TNFSF10: variants seen among roughly 807,000 people sequenced by gnomAD.
TNFSF10 encodes tumor necrosis factor ligand superfamily member 10.
Under a neutral mutation model 29.5 loss-of-function variants are expected in TNFSF10, and 13 were observed. The ratio of observed to expected loss-of-function variants is 0.44; its 90% CI spans 0.29 to 0.70. The LOEUF (loss-of-function observed/expected upper bound fraction) is 0.70, where lower values mean the gene tolerates loss of function less well. TNFSF10 is among the 30% of genes least tolerant of loss of function. The pLI, the probability that TNFSF10 is intolerant of heterozygous loss-of-function variation, is 0.13. For synonymous variants in TNFSF10, 111 were observed against 112.8 expected, an observed-to-expected ratio of 0.98 and a Z score of 0.10; for missense variants, 345 against 330.9, an observed-to-expected ratio of 1.04 and a Z score of -0.33.
At chr3:172,518,328 G>A in intron 1 of TNFSF10, 3 of 1,243,574 alleles carry the variant, frequency 2.4e-6, no homozygotes, top group Non-Finnish European at 2.1e-6. Context: ...AAACACGGTG[G>A]TTGTCTAGGC....
At chr3:172,509,174 T>C (rs1577010072) in intron 4 of TNFSF10, 43 bp downstream of exon 4, 1 of 1,510,736 alleles carries the variant, frequency 6.6e-7, no homozygotes, top group East Asian at 2.3e-5. Context: ...GCACAATCCT[T>C]CCATTATTTT....
chr3:172,511,966 G>A (rs1191388437), intron 2 of TNFSF10, among the ~76,000 whole-genome samples: 6 of 152,250 alleles, frequency 3.9e-5, no homozygotes, highest in Admixed American at 6.5e-5. Context: ...TCCGCCATGT[G>A]ATGTCAGCCA....
chr3:172,511,714 A>G, intron 2 of TNFSF10, 55 bp from the exon 3 acceptor site: 2 of 1,471,638 alleles, frequency 1.4e-6, no homozygotes, highest in Non-Finnish European at 1.9e-6. Context: ...TAAACTGACT[A>G]TAGAATGCCT....
chr3:172,517,554 A>T (rs1364584475), intron 1 of TNFSF10: 1 of 984,978 alleles, frequency 1.0e-6, no homozygotes. Context: ...TAAATCACAA[A>T]AACAAAACAA....
At chr3:172,512,359 A>G (rs144069972) in intron 2 of TNFSF10, among the ~76,000 whole-genome samples, 4 of 152,320 alleles carry the variant, frequency 2.6e-5, no homozygotes, top group Non-Finnish European at 4.4e-5. Flanking sequence ...AAACCTCTCT[A>G]TTAAATGGGA....
At chr3:172,517,732 T>C (rs1365589809) in intron 1 of TNFSF10, 43 of 984,644 alleles carry the variant, frequency 4.4e-5, no homozygotes, top group Non-Finnish European at 5.1e-5. Context: ...ATGAAAATTA[T>C]ACATGGATAG....
intron 1 of TNFSF10, chr3:172,517,299 G>C (rs1455856568): frequency 5.1e-6 from 5 of 982,182 alleles, no homozygotes; most frequent in Non-Finnish European, 6.0e-6. Flanking sequence ...TTGCTGGCTA[G>C]AGCCTGTGAT....
chr3:172,508,874 C>T (rs1469669233), intron 4 of TNFSF10, among the ~76,000 whole-genome samples: 12 of 127,312 alleles, frequency 9.4e-5, no homozygotes, highest in African/African-American at 2.5e-4. Context: ...GGGCAACAAA[C>T]GTGAAACTCT....
intron 3 of TNFSF10, 139 bp downstream of exon 3, chr3:172,511,478 C>A: frequency 1.6e-6 from 1 of 611,248 alleles, no homozygotes; most frequent in South Asian, 2.5e-5. Context: ...GTAGAATCAA[C>A]AAGTGGCTTG....
chr3:172,518,151 T>C (rs554292684), intron 1 of TNFSF10: 2 of 1,079,272 alleles, frequency 1.9e-6, no homozygotes, highest in East Asian at 1.6e-4. Flanking sequence ...CTATATTCTC[T>C]AACTAACCAC....
chr3:172,508,118 T>G (rs1713065311), intron 4 of TNFSF10, among the ~76,000 whole-genome samples: 1 of 151,298 alleles, frequency 6.6e-6, no homozygotes, highest in South Asian at 2.1e-4. Context: ...CGGGGGGGTG[T>G]GGATCAGCTG....
intron 2 of TNFSF10, among the ~76,000 whole-genome samples, chr3:172,513,522 G>A (rs1713308507): frequency 6.6e-6 from 1 of 152,188 alleles, no homozygotes; most frequent in Admixed American, 6.5e-5. Context: ...ATGTTTCTAG[G>A]ACTCCTAGAA....
Position 172,522,056 on chromosome 3 carries a change from A to G in TNFSF10, c.132+1197T>C, listed in dbSNP as rs902503500. ...TGGGGCCTGTCGGGGGTGGGAGGCT[A>G]GGGGAGGGAGAGCATTAGAACAAAT... On this transcript the variant is annotated intron_variant, in intron 1 of 4. Coordinates refer to ENST00000241261, the MANE Select transcript of TNFSF10 (RefSeq NM_003810.4). Among the ~76,000 whole-genome samples, 3 of 121,850 alleles carry G rather than the reference A, an allele frequency of 2.5e-5. No individual in the cohort carries two copies. The South Asian group carries it at 9.2e-4, about 37-fold the overall frequency. The allele number at this position is 121,850 out of a possible 152,430, so 79.9% of individuals were successfully genotyped here.
chr3:172,509,846 G>C (rs1713151357), intron 3 of TNFSF10, among the ~76,000 whole-genome samples: 1 of 152,118 alleles, frequency 6.6e-6, no homozygotes, highest in African/African-American at 2.4e-5. Flanking sequence ...GGGCATGGTG[G>C]CAGGCACCTA....
chr3:172,516,975 T>C (rs1461865982), intron 1 of TNFSF10, among the ~76,000 whole-genome samples: 1 of 152,260 alleles, frequency 6.6e-6, no homozygotes, highest in African/African-American at 2.4e-5. Context: ...GAGTTGGCTC[T>C]GGCCAAGCTT....
At chr3:172,522,465 G>A in intron 1 of TNFSF10, 3 of 1,367,170 alleles carry the variant, frequency 2.2e-6, no homozygotes, top group Non-Finnish European at 3.1e-6. Flanking sequence ...CACTTAATTG[G>A]TTAGAATCTC....
intron 3 of TNFSF10, among the ~76,000 whole-genome samples, chr3:172,509,783 C>A (rs1367278803): frequency 6.6e-6 from 1 of 152,034 alleles, no homozygotes; most frequent in Admixed American, 6.6e-5. Context: ...TTGAGACTAT[C>A]CTGGCTAACA....
At chr3:172,520,387 C>T (rs915595915) in intron 1 of TNFSF10, among the ~76,000 whole-genome samples, 12 of 152,176 alleles carry the variant, frequency 7.9e-5, no homozygotes, top group African/African-American at 2.7e-4. Context: ...ATGACATGCC[C>T]GTGCCCCAGG....
chr3:172,514,775 T>C (rs1175816404), intron 2 of TNFSF10, 86 bp downstream of exon 2: 3 of 1,529,152 alleles, frequency 2.0e-6, no homozygotes, highest in Admixed American at 2.1e-5. Context: ...GAGTCTAGAC[T>C]TGATTATCTT....
Sources: allele counts gnomAD v4.1 joint callset (sites outside exome capture counted in the v4.1 genomes callset), GRCh38; gene constraint gnomAD v4.1.1; transcripts MANE v1.5; gene names NCBI Gene and HGNC (gene_info 2026-07-23, HGNC 2026-07-21).